Variants in TMEM182 observed in about 807,000 individuals in gnomAD.
TMEM182 encodes transmembrane protein 182.
In TMEM182, 20 loss-of-function variants were observed where a neutral mutation model predicts 26.8. That is an observed-to-expected ratio of 0.75 (90% CI 0.53 to 1.09). The LOEUF (loss-of-function observed/expected upper bound fraction) is 1.09, where lower values mean the gene tolerates loss of function less well. TMEM182 is among the 50% of genes least tolerant of loss of function. The pLI, the probability that TMEM182 is intolerant of heterozygous loss-of-function variation, is 0.00. For synonymous variants in TMEM182, 109 were observed against 102.2 expected (o/e 1.07, Z -0.40); for missense variants, 277 against 275.5 (o/e 1.01, Z -0.04).
rs989968851 is a variant in TMEM182 at position 102,763,515 on chromosome 2, A to G, written c.233-814A>G. Among the ~76,000 whole-genome samples, 7 of 152,336 alleles carry G rather than the reference A, an allele frequency of 4.6e-5. No individual in the cohort carries two copies. In the East Asian group the frequency reaches 1.3e-3, roughly 29 times the overall value. ...GGATTATGGAATATTTAATAAAAATAGGAGGTCCCTGAAGACTTAAGCAAG... is the reference window on the plus strand; with the variant it reads ...GGATTATGGAATATTTAATAAAAATGGGAGGTCCCTGAAGACTTAAGCAAG... On this transcript the variant is annotated intron_variant, in intron 2 of 4. Transcript: ENST00000412401.
At chr2:102,748,018 T>A (rs900370378) in intron 1 of TMEM182, among the ~76,000 whole-genome samples, 7 of 152,196 alleles carry the variant, frequency 4.6e-5, no homozygotes, top group African/African-American at 1.7e-4. Flanking sequence ...CCAGGTAGCT[T>A]TTTTCCCTAT....
At chr2:102,801,853 C>T (rs1573552215) in intron 4 of TMEM182, among the ~76,000 whole-genome samples, 3 of 152,196 alleles carry the variant, frequency 2.0e-5, no homozygotes, top group Non-Finnish European at 4.4e-5. Context: ...CAGCCTAATA[C>T]AGGGAAGCTT....
chr2:102,795,143 G>T (rs1558776475), intron 3 of TMEM182, among the ~76,000 whole-genome samples: 1 of 151,956 alleles, frequency 6.6e-6, no homozygotes, highest in Admixed American at 6.6e-5. Flanking sequence ...ATTTATTTTT[G>T]TAATTTATAG....
chr2:102,792,726 G>A (rs966483190), intron 3 of TMEM182, among the ~76,000 whole-genome samples: 1 of 152,144 alleles, frequency 6.6e-6, no homozygotes, highest in Non-Finnish European at 1.5e-5. Context: ...ACGGCACTCA[G>A]GCATCTGACT....
At chr2:102,772,415 G>C (rs993461352) in intron 3 of TMEM182, among the ~76,000 whole-genome samples, 1 of 152,074 alleles carries the variant, frequency 6.6e-6, no homozygotes, top group African/African-American at 2.4e-5. Context: ...TGTGTATGGA[G>C]GGGACTTCCA....
chr2:102,764,278 C>T (rs905051989), intron 2 of TMEM182, 51 bp from the exon 3 acceptor site: 1 of 1,562,042 alleles, frequency 6.4e-7, no homozygotes, highest in African/African-American at 1.4e-5. Flanking sequence ...AAGGATGAGT[C>T]ATGACTGAGC....
chr2:102,767,482 G>A (rs776507918), intron 3 of TMEM182, among the ~76,000 whole-genome samples: 8 of 152,078 alleles, frequency 5.3e-5, no homozygotes, highest in African/African-American at 1.2e-4. Flanking sequence ...ATTTGGCAAC[G>A]ATGTACTGAA....
At chr2:102,737,544 A>G (rs1269622348) in intron 1 of TMEM182, among the ~76,000 whole-genome samples, 1 of 152,224 alleles carries the variant, frequency 6.6e-6, no homozygotes, top group Non-Finnish European at 1.5e-5. Flanking sequence ...GAGCTACTTT[A>G]GAAAAGCAGT....
downstream of TMEM182, among the ~76,000 whole-genome samples, chr2:102,822,002 A>G (rs2104767712): frequency 6.6e-6 from 1 of 152,040 alleles, no homozygotes; most frequent in East Asian, 1.9e-4. Context: ...AAAAAAAAAA[A>G]ATGCAACACT....
intron 3 of TMEM182, among the ~76,000 whole-genome samples, chr2:102,837,192 A>G (rs1218464055): frequency 6.6e-6 from 1 of 151,994 alleles, no homozygotes; most frequent in African/African-American, 2.4e-5. Flanking sequence ...ACCCAATTCT[A>G]TTTGAAAAAC....
At chr2:102,792,260 C>G (rs1327450715) in intron 3 of TMEM182, among the ~76,000 whole-genome samples, 1 of 152,056 alleles carries the variant, frequency 6.6e-6, no homozygotes, top group Non-Finnish European at 1.5e-5. Context: ...TACAAGGTGT[C>G]ATAATTAATA....
chr2:102,839,471 A>ATATATATATAT (rs1553446276), intron 3 of TMEM182, among the ~76,000 whole-genome samples: 2 of 134,868 alleles, frequency 1.5e-5, no homozygotes, highest in African/African-American at 5.6e-5. Flanking sequence ...ATATATATAT[A>ATATATATATAT]ATATATACAC....
chr2:102,797,943 G>T lies in TMEM182; in HGVS notation c.412G>T (p.Ala138Ser), dbSNP rs756459630. Residue 138 changes from alanine (A) to serine (S), a missense_variant, in exon 4 of 5, where the codon GCC becomes TCC. By Grantham distance (99) the Ala-to-Ser change is moderately conservative (BLOSUM62 1). Coordinates refer to ENST00000412401, the MANE Select transcript of TMEM182 (RefSeq NM_144632.5). ...CGCAAGCTTTTTGATCATCTGTGCA[G>T]CCCCCTTCGCCAGCCATTTTCTCTA... Reference protein sequence around the residue: ...VIASFLIICAAPFASHFLYKA... With the variant: ...VIASFLIICASPFASHFLYKA... 1 of 1,614,082 alleles carries T rather than the reference G, an allele frequency of 6.2e-7. No homozygotes were observed. The highest frequency in any genetic ancestry group is 8.5e-7 in the Non-Finnish European group (1 of 1,180,012).
chr2:102,768,112 C>A (rs1303830799), intron 3 of TMEM182, among the ~76,000 whole-genome samples: 1 of 152,110 alleles, frequency 6.6e-6, no homozygotes, highest in African/African-American at 2.4e-5. Context: ...TTTATAAAAC[C>A]CAGTCTTTAA....
downstream of TMEM182, among the ~76,000 whole-genome samples, chr2:102,820,112 A>T (rs1369644963): frequency 2.0e-5 from 3 of 152,210 alleles, no homozygotes; most frequent in African/African-American, 7.2e-5. Flanking sequence ...GCAGAAGATT[A>T]TACTGATTGG....
intron 4 of TMEM182, among the ~76,000 whole-genome samples, chr2:102,808,631 A>T (rs1280352000): frequency 6.6e-6 from 1 of 152,246 alleles, no homozygotes; most frequent in East Asian, 1.9e-4. Context: ...AGAACATCAC[A>T]AAACGGTATA....
chr2:102,749,362 A>G (rs1679809898), intron 1 of TMEM182, among the ~76,000 whole-genome samples: 1 of 152,184 alleles, frequency 6.6e-6, no homozygotes, highest in African/African-American at 2.4e-5. Flanking sequence ...TTCCATTTAG[A>G]TGAAATACAT....
At chr2:102,772,182 G>T (rs1201379035) in intron 3 of TMEM182, among the ~76,000 whole-genome samples, 1 of 152,140 alleles carries the variant, frequency 6.6e-6, no homozygotes, top group African/African-American at 2.4e-5. Flanking sequence ...GAAGCATTAT[G>T]GCTTCTGCCT....
downstream of TMEM182, among the ~76,000 whole-genome samples, chr2:102,821,771 G>C (rs760293878): frequency 1.3e-5 from 2 of 151,986 alleles, no homozygotes; most frequent in Non-Finnish European, 2.9e-5. Context: ...GGCAGATCAC[G>C]TGGTCAGGAG....
Sources: allele counts gnomAD v4.1 joint callset (sites outside exome capture counted in the v4.1 genomes callset), GRCh38; gene constraint gnomAD v4.1.1; transcripts MANE v1.5; gene names NCBI Gene and HGNC (gene_info 2026-07-23, HGNC 2026-07-21).